The following ABLIM1 variants were observed in gnomAD, a reference collection of about 807,000 sequenced individuals.
The protein encoded by ABLIM1 is actin-binding LIM protein 1.
In ABLIM1, 40 loss-of-function variants were observed where a neutral mutation model predicts 107.0. The observed-to-expected ratio is 0.37, with a 90% confidence interval of 0.29 to 0.49. The LOEUF is 0.49. ABLIM1 is among the 20% of genes least tolerant of loss of function. ABLIM1 has a pLI of 0.97. For missense variants in ABLIM1, 857 were observed against 1,008.5 expected, an observed-to-expected ratio of 0.85 and a Z score of 2.04; for synonymous variants, 357 against 357.3, an observed-to-expected ratio of 1.00 and a Z score of 0.01.
At chr10:114,449,169 G>C (rs2061489382) in intron 14 of ABLIM1, among the ~76,000 whole-genome samples, 1 of 152,202 alleles carries the variant, frequency 6.6e-6, no homozygotes. Context: ...TCACAGCTTA[G>C]AGCCCCAGAT....
chr10:114,605,159 A>G (rs1256723915), intron 1 of ABLIM1, among the ~76,000 whole-genome samples: 1 of 152,222 alleles, frequency 6.6e-6, no homozygotes, highest in African/African-American at 2.4e-5. Context: ...GCAGCATCCA[A>G]AGAGCAGAAG....
rs150730775 is a variant in ABLIM1, at chr10:114,722,043, C to T, written c.-213+46018G>A. Among the ~76,000 whole-genome samples the T allele has an allele frequency of 4.6e-3, 708 of 152,292 alleles. 1 individual carries two copies. The highest frequency in any genetic ancestry group is 7.5e-3 in the Non-Finnish European group (509 of 68,014). ...AACTGGGTAAATGAAGACAATTTTA[C>T]TTCTTAATTAAGGTTAATGGCTTGA... On this transcript the variant is annotated intron_variant, in intron 1 of 15. Coordinates refer to the ABLIM1 transcript ENST00000651092.
intron 6 of ABLIM1, among the ~76,000 whole-genome samples, chr10:114,538,884 A>T (rs2066325211): frequency 6.6e-6 from 1 of 152,236 alleles, no homozygotes; most frequent in Non-Finnish European, 1.5e-5. Flanking sequence ...AGACAGCTTG[A>T]GAGGCCAAGA....
intron 1 of ABLIM1, among the ~76,000 whole-genome samples, chr10:114,651,984 C>T (rs975456886): frequency 7.9e-5 from 12 of 152,218 alleles, no homozygotes; most frequent in African/African-American, 2.9e-4. Context: ...CTAGTCAAAG[C>T]CATCAGTCAG....
intron 8 of ABLIM1, among the ~76,000 whole-genome samples, chr10:114,481,140 T>C (rs1483739359): frequency 2.6e-5 from 4 of 152,132 alleles, no homozygotes; most frequent in Admixed American, 2.6e-4. Flanking sequence ...ATTCTTCAAA[T>C]ACTAACCATT....
At chr10:114,540,999 G>A (rs2066586302) in intron 6 of ABLIM1, among the ~76,000 whole-genome samples, 2 of 152,186 alleles carry the variant, frequency 1.3e-5, no homozygotes, top group South Asian at 4.1e-4. Context: ...TTATCTGGGT[G>A]GGCCCTGAAT....
At chr10:114,570,944 A>G (rs1053851629) in intron 4 of ABLIM1, among the ~76,000 whole-genome samples, 1 of 152,104 alleles carries the variant, frequency 6.6e-6, no homozygotes, top group Non-Finnish European at 1.5e-5. Context: ...GCTGTTTTCC[A>G]TGATGCCTAC....
chr10:114,725,069 G>A (rs535818785), intron 1 of ABLIM1, among the ~76,000 whole-genome samples: 27 of 152,250 alleles, frequency 1.8e-4, no homozygotes, highest in African/African-American at 5.3e-4. Flanking sequence ...CAAAGGGAAA[G>A]GAAATCTTCC....
chr10:114,730,679 T>C lies in ABLIM1; in HGVS notation c.-213+37382A>G, dbSNP rs137862531. 5.5e-3 allele frequency among the ~76,000 whole-genome samples: 844 copies of C among 152,286 alleles called. 12 individuals carry two copies. The highest frequency in any genetic ancestry group is 0.019 in the African/African-American group (787 of 41,520). ...CTTTGTTTTTGAGATACAACGTACA[T>C]ATCAACTCACCCTTTTAAAGTGTAC... is the stretch of plus-strand genomic sequence containing the variant. On this transcript the variant is annotated intron_variant, in intron 1 of 15. Transcript: ENST00000651092.
chr10:114,777,431 T>C, the ABLIM1 span, among the ~76,000 whole-genome samples: 1 of 152,240 alleles, frequency 6.6e-6, no homozygotes, highest in Non-Finnish European at 1.5e-5. Flanking sequence ...GCTCATATTG[T>C]CTGCTTTTTC....
At chr10:114,692,292 T>G (rs186990650) in intron 1 of ABLIM1, among the ~76,000 whole-genome samples, 71 of 152,338 alleles carry the variant, frequency 4.7e-4, no homozygotes, top group Admixed American at 9.2e-4. Flanking sequence ...CCAAAGACTT[T>G]CAAAAAGACT....
chr10:114,440,760 C>G (rs2060073273), intron 19 of ABLIM1: 3 of 577,454 alleles, frequency 5.2e-6, no homozygotes, highest in Non-Finnish European at 9.8e-6. Context: ...CATGCCTGGC[C>G]TCTAGGTATC....
chr10:114,444,665 A>C (rs529410610), intron 16 of ABLIM1, among the ~76,000 whole-genome samples: 4 of 152,276 alleles, frequency 2.6e-5, no homozygotes, highest in African/African-American at 9.6e-5. Flanking sequence ...TAAAACTGAG[A>C]TCATACTATA....
intron 1 of ABLIM1, among the ~76,000 whole-genome samples, chr10:114,731,865 C>A (rs1323155790): frequency 6.6e-6 from 1 of 152,224 alleles, no homozygotes; most frequent in Admixed American, 6.5e-5. Context: ...CTGCCTCGGC[C>A]TCCCAAAGTG....
chr10:114,793,499 T>G, the ABLIM1 span, among the ~76,000 whole-genome samples: 1 of 152,174 alleles, frequency 6.6e-6, no homozygotes, highest in Non-Finnish European at 1.5e-5. Flanking sequence ...TCTTTATAAA[T>G]TACCCAGCCT....
intron 2 of ABLIM1, among the ~76,000 whole-genome samples, chr10:114,588,487 CTTTTTTTTTT>C (rs34043960): frequency 2.6e-5 from 2 of 76,556 alleles, no homozygotes; most frequent in Non-Finnish European, 4.6e-5. Context: ...TTCTTTCTTT[CTTTTTTTTTT>C]TTTTTTTTTT....
At chr10:114,546,380 G>A (rs1449714166) in intron 5 of ABLIM1, among the ~76,000 whole-genome samples, 2 of 148,714 alleles carry the variant, frequency 1.3e-5, no homozygotes, top group Non-Finnish European at 3.0e-5. Context: ...TGCAACCTCC[G>A]CCTCCCAGGT....
chr10:114,730,270 C>T (rs949823614), intron 1 of ABLIM1, among the ~76,000 whole-genome samples: 7 of 151,820 alleles, frequency 4.6e-5, no homozygotes, highest in African/African-American at 1.5e-4. Flanking sequence ...TGGCGATGCA[C>T]GCCTATAATC....
At chr10:114,445,507 A>G (rs1360904274) in intron 15 of ABLIM1, 104 bp from the exon 16 acceptor site, 8 of 948,710 alleles carry the variant, frequency 8.4e-6, no homozygotes, top group African/African-American at 8.1e-5. Context: ...AAGGTCAGCA[A>G]CGGTCTTTAA....
Sources: allele counts gnomAD v4.1 joint callset (sites outside exome capture counted in the v4.1 genomes callset), GRCh38; gene constraint gnomAD v4.1.1; transcripts MANE v1.5; gene names NCBI Gene and HGNC (gene_info 2026-07-23, HGNC 2026-07-21).